RBM3: variants seen among roughly 807,000 people sequenced by gnomAD.
The protein encoded by RBM3 is RNA-binding protein 3.
A neutral mutation model predicts 12.0 loss-of-function variants in RBM3; 3 were observed. The ratio of observed to expected loss-of-function variants is 0.25; its 90% confidence interval spans 0.11 to 0.65. The LOEUF is 0.65. Among genes scored for constraint, RBM3 ranks in the 30% least tolerant of loss-of-function variants. The pLI is 0.84. For missense variants in RBM3, 108 were observed against 134.5 expected (o/e 0.80, Z 0.97); for synonymous variants, 58 against 45.7 (o/e 1.27, Z -1.08).
chrX:48,577,241 C>T, intron 6 of RBM3, 132 bp downstream of exon 6: 2 of 1,134,718 alleles, frequency 1.8e-6, no homozygotes, highest in Non-Finnish European at 2.3e-6. Context: ...CCAAACATTC[C>T]TAGCTAGGCC....
At position 48,579,700 on chromosome X, in the gene RBM3, A is replaced by G. The variant is rs1362629703; in HGVS notation, c.*2259A>G. On this transcript the variant is annotated 3_prime_UTR_variant, in exon 7 of 7. Coordinates refer to ENST00000376759, the MANE Select transcript of RBM3 (RefSeq NM_006743.5). The stretch of plus-strand genomic sequence containing the variant: ...GGATGGCAATGTACCTCTCACCCCC[A>G]GTGTCAGCTGAGGTAGGATCCATAA... The G allele has an allele frequency of 1.8e-5, 2 of 111,813 alleles. No homozygotes were observed. The highest frequency in any genetic ancestry group is 3.8e-5 in the Non-Finnish European group (2 of 53,168). The allele number at this position is 111,813 out of a possible 1,213,427, so 9.2% of individuals were successfully genotyped here. A position where few individuals can be genotyped will look rare whatever the true frequency, so the allele number is the denominator to read the frequency against.
At chrX:48,576,455 G>C (rs373050289) in intron 4 of RBM3, 36 bp downstream of exon 4, 111 of 1,199,376 alleles carry the variant, frequency 9.3e-5, no homozygotes, top group Middle Eastern at 2.3e-4. Context: ...TGGGGTGAGA[G>C]GGAGAGTTGC....
chrX:48,576,104 C>T, intron 3 of RBM3: 2 of 1,148,192 alleles, frequency 1.7e-6, no homozygotes, highest in African/African-American at 1.8e-5. Context: ...GCAAGGGGAA[C>T]ATGGTGCATT....
At chrX:48,576,895 G>A (rs1449074805) in intron 5 of RBM3, 131 bp from the exon 6 acceptor site, 29 of 846,193 alleles carry the variant, frequency 3.4e-5, no homozygotes, top group Non-Finnish European at 4.6e-5. Context: ...ATACTCATAT[G>A]CTTAACATAT....
intron 5 of RBM3, 150 bp downstream of exon 5, chrX:48,576,754 C>G: frequency 1.1e-6 from 1 of 948,305 alleles, no homozygotes; most frequent in East Asian, 3.4e-5. Context: ...ATTGTGTAGT[C>G]ATATAGTTGC....
chrX:48,576,448 G>T, intron 4 of RBM3, 29 bp downstream of exon 4: 1 of 1,203,014 alleles, frequency 8.3e-7, no homozygotes, highest in Non-Finnish European at 1.1e-6. Context: ...TTGATCATGG[G>T]GTGAGAGGGA....
chrX:48,577,106 A>G lies in RBM3; in HGVS notation c.*20A>G, dbSNP rs375087516. 7.4e-6 allele frequency: 9 copies of G among 1,211,840 alleles called. No homozygotes were observed. Among genetic ancestry groups the G allele is most frequent in the Non-Finnish European group, 1.0e-5 (9 of 895,544 alleles). ...AACTGAAATGAGACATGCACATAAT[A>G]TAGGTGAGACTTGGATATCGGCATT... On this transcript the variant is annotated 3_prime_UTR_variant, in exon 6 of 7. Transcript: ENST00000376759.
At position 48,578,808 on chromosome X, in the gene RBM3, T is replaced by C. The variant is rs1160112872; in HGVS notation, c.*1367T>C. The C allele has an allele frequency of 2.2e-4, 24 of 111,551 alleles. No individual in the cohort carries two copies. Among genetic ancestry groups the C allele is most frequent in the African/African-American group, 7.8e-4 (24 of 30,682 alleles). The allele number at this position is 111,551 out of a possible 1,213,427, so 9.2% of individuals were successfully genotyped here. ...TACCAGTTCATTCCTTCCCCTGAAA[T>C]GATGGGGGTTGGGCAGAGATGCACT... is the stretch of plus-strand genomic sequence containing the variant. On this transcript the variant is annotated 3_prime_UTR_variant, in exon 7 of 7. Transcript: ENST00000376759.
At chrX:48,575,520 CTGA>C in intron 2 of RBM3, 38 bp from the exon 3 acceptor site, 2 of 1,126,433 alleles carry the variant, frequency 1.8e-6, no homozygotes, top group East Asian at 6.1e-5. Context: ...CTTTGGGGTA[CTGA>C]CTGGTCCACA....
Position 48,574,559 on chromosome X carries a change from C to A in RBM3, c.-28C>A, listed in dbSNP as rs1269688514. On this transcript the variant is annotated 5_prime_UTR_variant, in exon 1 of 7. Transcript: ENST00000376759. ...GCTCGCTGTTCGTCCGGGTTTTTTA[C>A]GTTTTAATTTCCAGGTAAGTTGCAT... 3.0e-6 allele frequency: 1 copy of A among 331,179 alleles called. No homozygotes were observed. The highest frequency in any genetic ancestry group is 9.5e-5 in the East Asian group (1 of 10,472). The allele number at this position is 331,179 out of a possible 1,213,427, so 27.3% of individuals were successfully genotyped here.
intron 1 of RBM3, 132 bp from the exon 2 acceptor site, chrX:48,575,036 T>A (rs1165062115): frequency 2.0e-6 from 1 of 504,607 alleles, no homozygotes; most frequent in Admixed American, 3.1e-5. Context: ...TCAGCTTTTC[T>A]GTAGTTACCC....
Position 48,577,050 on chromosome X carries a change from C to T in RBM3, c.438C>T (p.Tyr146=). 8.3e-7 allele frequency: 1 copy of T among 1,211,361 alleles called. No individual in the cohort carries two copies. Among genetic ancestry groups the T allele is most frequent in the Non-Finnish European group, 1.1e-6 (1 of 895,428 alleles). Residue 146 remains tyrosine, a synonymous_variant, in exon 6 of 7, where the codon TAC becomes TAT. Transcript: ENST00000376759. Reference sequence around the variant, plus strand: ...GAAACCAGGGTGGTTATGACCGCTACTCAGGAGGAAATTACAGAGACAATT... The same window carrying T: ...GAAACCAGGGTGGTTATGACCGCTATTCAGGAGGAAATTACAGAGACAATT... The part of the protein sequence containing the change: ...NGRNQGGYDR[Y]SGGNYRDNYD...
rs781928562 is a variant in RBM3, at chrX:48,577,127, G to T, written c.*23+18G>T. On this transcript the variant is annotated intron_variant, in intron 6 of 6. Transcript: ENST00000376759. ...TAATATAGGTGAGACTTGGATATCG[G>T]CATTGAGTGAACCTGTTTGTCACAC... The T allele has an allele frequency of 7.5e-5, 90 of 1,207,998 alleles. No individual in the cohort carries two copies. The highest frequency in any genetic ancestry group is 1.0e-4 in the Non-Finnish European group (90 of 894,588).
In RBM3 at chrX:48,580,499, C is replaced by T. The variant is rs782090529; in HGVS notation, c.*3058C>T. Among the ~76,000 whole-genome samples, 2 of 111,411 alleles carry T rather than the reference C, an allele frequency of 1.8e-5. No homozygotes were observed. The highest frequency in any genetic ancestry group is 3.8e-5 in the Non-Finnish European group (2 of 53,116). ...GTACCCTCCGCCTCCCAGGTTCAAG[C>T]AGTTCTCATGCCTCAGCCTCCCAAG... On this transcript the variant is annotated 3_prime_UTR_variant, in exon 7 of 7. Transcript: ENST00000376759.
chrX:48,577,382 C>A, intron 6 of RBM3, 83 bp from the exon 7 acceptor site: 2 of 826,593 alleles, frequency 2.4e-6, no homozygotes, highest in Non-Finnish European at 3.4e-6. Context: ...CAACCCTCAG[C>A]ATCTTCATCA....
Position 48,576,557 on chromosome X carries a change from T to G in RBM3, c.366T>G (p.Pro122=). 5.1e-6 allele frequency: 6 copies of G among 1,183,409 alleles called. No homozygotes were observed. Among genetic ancestry groups the G allele is most frequent in the Non-Finnish European group, 6.8e-6 (6 of 880,829 alleles). Residue 122 remains proline (P), a synonymous_variant, in exon 5 of 7, where the codon CCT becomes CCG. Transcript: ENST00000376759. ...YGSGRYYDSR[P]GGYGYGYGRS... is the part of the protein sequence containing the mutation. ...GTGGCAGGTATTATGACAGTCGACC[T>G]GGAGGGTATGGATATGGATATGGAC...
chrX:48,576,404 C>G lies in RBM3; in HGVS notation c.301C>G (p.Arg101Gly). ...TGGCTTTGGGGCCCATGGGCGTGGT[C>G]GCAGCTACTCTAGAGGTGAGTGCAG... Reference protein sequence around the residue: ...GGGFGAHGRGRSYSRGGGDQG... With the variant: ...GGGFGAHGRGGSYSRGGGDQG... The change falls in exon 4 of 7, where the codon CGC (arginine) becomes GGC (glycine). Residue 101 changes from arginine (R) to glycine (G), a missense_variant. Transcript: ENST00000376759. The G allele has an allele frequency of 1.7e-6, 2 of 1,209,726 alleles. No homozygotes were observed. The highest frequency in any genetic ancestry group is 2.2e-6 in the Non-Finnish European group (2 of 894,771).
intron 3 of RBM3, chrX:48,576,007 G>C: frequency 1.1e-6 from 1 of 875,572 alleles, no homozygotes; most frequent in Non-Finnish European, 1.6e-6. Flanking sequence ...CAAACCAAGA[G>C]AGGTGTCTGT....
At chrX:48,574,996 C>T (rs1339377140) in intron 1 of RBM3, 172 bp from the exon 2 acceptor site, 2 of 458,867 alleles carry the variant, frequency 4.4e-6, no homozygotes, top group Admixed American at 6.5e-5. Flanking sequence ...GAGCCAGCTC[C>T]TCAGATTACC....
Sources: allele counts gnomAD v4.1 joint callset (sites outside exome capture counted in the v4.1 genomes callset), GRCh38; gene constraint gnomAD v4.1.1; transcripts MANE v1.5; gene names NCBI Gene and HGNC (gene_info 2026-07-23, HGNC 2026-07-21).